NOP14: variants seen among roughly 807,000 people sequenced by gnomAD.
NOP14 encodes the protein nucleolar protein 14.
NOP14 carries 57 observed loss-of-function variants against 101.6 expected under a neutral mutation model. The observed-to-expected ratio is 0.56, with a 90% CI of 0.45 to 0.70. The LOEUF is 0.70. Among genes scored for constraint, NOP14 ranks in the 30% least tolerant of loss-of-function variants. The pLI, the probability that NOP14 is intolerant of heterozygous loss-of-function variation, is 0.00. For missense variants in NOP14, 1,134 were observed against 1,075.5 expected (o/e 1.05, Z -0.76); for synonymous variants, 428 against 424.0 (o/e 1.01, Z -0.12).
chr4:2,952,770 C>G (rs546592679), intron 5 of NOP14, among the ~76,000 whole-genome samples: 3 of 152,294 alleles, frequency 2.0e-5, no homozygotes, highest in Admixed American at 2.0e-4. Context: ...TGGTGAAACC[C>G]TGTCTTTACT....
rs567796932 is a variant in NOP14 at position 2,949,813 on chromosome 4, C to G, written c.1282+121G>C. The G allele has an allele frequency of 2.6e-6, 3 of 1,158,540 alleles. No individual in the cohort carries two copies. In the South Asian group the frequency reaches 4.1e-5, roughly 16 times the overall value. 71.8% of individuals were successfully genotyped at this position (1,158,540 alleles called of 1,614,324 possible). A position where few individuals can be genotyped will look rare whatever the true frequency, so the allele number is the denominator to read the frequency against. On this transcript the variant is annotated intron_variant, in intron 8 of 17. Transcript: ENST00000416614. Reference sequence around the variant, plus strand: ...ACACAGGGGTGTGTCCAGGCACTCCCAAGGGCATCCTTGGTCCCCATTCCA... The same window carrying G: ...ACACAGGGGTGTGTCCAGGCACTCCGAAGGGCATCCTTGGTCCCCATTCCA...
rs1451456948 is a variant in NOP14, at chr4:2,960,727, CATTAATATTAATAT to C, written c.195+2384_195+2397del. Among the ~76,000 whole-genome samples the C allele has an allele frequency of 4.8e-3, 383 of 80,200 alleles. 23 individuals are homozygous for C. Among genetic ancestry groups the C allele is most frequent in the Non-Finnish European group, 8.7e-3 (311 of 35,722 alleles). 52.6% of individuals were successfully genotyped at this position (80,200 alleles called of 152,430 possible). A position where few individuals can be genotyped will look rare whatever the true frequency, so the allele number is the denominator to read the frequency against. On this transcript the variant is annotated intron_variant, in intron 1 of 17. Coordinates refer to ENST00000416614, the MANE Select transcript of NOP14 (RefSeq NM_001291978.2). ...TATTAATATATTAATATTATAATCACATTAATATTAATATATTAATATTATAATCACATTAATAT... is the reference window on the plus strand; with the variant it reads ...TATTAATATATTAATATTATAATCACATTAATATTATAATCACATTAATAT...
In NOP14 at chr4:2,938,913, C is replaced by T. The variant is rs147582267; in HGVS notation, c.2492G>A (p.Arg831Gln). The T allele has an allele frequency of 5.2e-5, 84 of 1,613,974 alleles. No individual in the cohort carries two copies. The highest frequency in any genetic ancestry group is 5.3e-5 in the African/African-American group (4 of 74,926). The change falls in exon 18 of 18, where the codon CGG becomes CAG. Residue 831 changes from arginine to glutamine, a missense_variant. Coordinates refer to ENST00000416614, the MANE Select transcript of NOP14 (RefSeq NM_001291978.2). The part of the protein sequence containing the change: ...EIMERDAERK[R>Q]KVKQLFNSLA... Reference sequence around the variant, plus strand: ...GCTGTTAAAAAGCTGCTTTACTTTCCGCTTTCTTTCCGCATCCCTAAAAGA... The same window carrying T: ...GCTGTTAAAAAGCTGCTTTACTTTCTGCTTTCTTTCCGCATCCCTAAAAGA...
In NOP14 at chr4:2,938,515, A is replaced by AAT; in HGVS notation, c.*315_*316insAT. Reference sequence around the variant, plus strand: ...GCAAAACTCCGTCTCAAAAAAAAAAATTTTTTTTTAAGCGACACAGTCTTG... The same window carrying AAT: ...GCAAAACTCCGTCTCAAAAAAAAAAAATTTTTTTTTTAAGCGACACAGTCTTG... On this transcript the variant is annotated 3_prime_UTR_variant, in exon 18 of 18. Coordinates refer to ENST00000416614, the MANE Select transcript of NOP14 (RefSeq NM_001291978.2). 2.8e-6 allele frequency: 1 copy of AAT among 356,012 alleles called. No individual in the cohort carries two copies. Among genetic ancestry groups the AAT allele is most frequent in the Non-Finnish European group, 5.3e-6 (1 of 188,088 alleles). The allele number at this position is 356,012 out of a possible 1,614,324, so 22.1% of individuals were successfully genotyped here.
At chr4:2,954,649 C>G (rs1225600799) in intron 3 of NOP14, 86 bp from the exon 4 acceptor site, 6 of 1,483,778 alleles carry the variant, frequency 4.0e-6, no homozygotes, top group Non-Finnish European at 5.4e-6. Flanking sequence ...AGTGCTTCCC[C>G]CATAGTGGTC....
intron 12 of NOP14, 35 bp from the exon 13 acceptor site, chr4:2,944,261 G>A (rs780606373): frequency 3.2e-5 from 51 of 1,595,738 alleles, no homozygotes; most frequent in Admixed American, 5.3e-5. Flanking sequence ...ACTGTCCTGG[G>A]ACGATGTCAT....
chr4:2,963,037 A>C (rs1716227368), intron 1 of NOP14, 88 bp downstream of exon 1: 7 of 1,341,580 alleles, frequency 5.2e-6, no homozygotes, highest in East Asian at 2.7e-5. Context: ...TCAACGAGGA[A>C]ACCGACGCAC....
Position 2,941,834 on chromosome 4 carries a change from C to A in NOP14, c.2052-105G>T, listed in dbSNP as rs376629429. ...TTCCCCACTTCCACTAGGCTGAAAA[C>A]TCCAGTGTGGCCACCTTGGCCGGCC... On this transcript the variant is annotated intron_variant, in intron 14 of 17. Coordinates refer to ENST00000416614, the MANE Select transcript of NOP14 (RefSeq NM_001291978.2). The A allele has an allele frequency of 7.4e-5, 100 of 1,343,028 alleles. 2 individuals carry two copies. The African/African-American group carries it at 1.2e-3, about 16-fold the overall frequency. 83.2% of individuals were successfully genotyped at this position (1,343,028 alleles called of 1,614,324 possible). A position where few individuals can be genotyped will look rare whatever the true frequency, so the allele number is the denominator to read the frequency against.
intron 5 of NOP14, 95 bp downstream of exon 5, chr4:2,953,415 AG>A (rs1715153133): frequency 7.4e-7 from 1 of 1,344,262 alleles, no homozygotes; most frequent in Non-Finnish European, 1.0e-6. Context: ...TAAAGGAGAC[AG>A]GTAGAAGAGC....
intron 2 of NOP14, 51 bp from the exon 3 acceptor site, chr4:2,956,862 CAA>C (rs200756250): frequency 3.6e-4 from 397 of 1,117,930 alleles, no homozygotes; most frequent in Middle Eastern, 7.2e-4. Context: ...CATTTCACAG[CAA>C]AAAAAAAAAG....
chr4:2,955,534 G>A (rs904500539), intron 3 of NOP14, among the ~76,000 whole-genome samples: 3 of 113,406 alleles, frequency 2.6e-5, no homozygotes, highest in Non-Finnish European at 3.7e-5. Context: ...TCACCTGCAC[G>A]CCACGGCGCC....
chr4:2,939,085 G>C, intron 17 of NOP14, 103 bp downstream of exon 17: 1 of 1,556,586 alleles, frequency 6.4e-7, no homozygotes, highest in Non-Finnish European at 8.8e-7. Flanking sequence ...CCCAGCCAGA[G>C]CCAAGGCTGT....
In NOP14 at chr4:2,947,564, A is replaced by T. The variant is rs1714741316; in HGVS notation, c.1461T>A (p.Asp487Glu). 1.2e-6 allele frequency: 2 copies of T among 1,614,072 alleles called. No individual in the cohort carries two copies. Among genetic ancestry groups the T allele is most frequent in the Non-Finnish European group, 1.7e-6 (2 of 1,180,014 alleles). The change falls in exon 10 of 18, where the codon GAT becomes GAA. Residue 487 changes from aspartate (D) to glutamate (E), a missense_variant. By Grantham distance (45) the Asp-to-Glu change is conservative. Coordinates refer to ENST00000416614, the MANE Select transcript of NOP14 (RefSeq NM_001291978.2). ...LLEYVGDLAT[D>E]DPPDLTVIDK... ...CAATGACTGTGAGGTCTGGTGGGTC[A>T]TCTGTAGCCAAATCGCCAACGTATT... is the stretch of plus-strand genomic sequence containing the variant.
chr4:2,946,467 T>C lies in NOP14; in HGVS notation c.1580A>G (p.Glu527Gly). Residue 527 changes from glutamate (E) to glycine (G), a missense_variant, in exon 11 of 18, where the codon GAG (glutamate) becomes GGG (glycine). Transcript: ENST00000416614. ...IKFVLRDAMH[E>G]MEEMIETKGR... ...TTTGGTCTCAATCATTTCTTCCATC[T>C]CATGCATCGCATCTCGGAGAACAAA... 2 of 1,614,254 alleles carry C rather than the reference T, an allele frequency of 1.2e-6. No individual in the cohort carries two copies. Among genetic ancestry groups the C allele is most frequent in the Non-Finnish European group, 1.7e-6 (2 of 1,180,030 alleles).
At position 2,941,176 on chromosome 4, in the gene NOP14, A is replaced by G. The variant is rs115661966; in HGVS notation, c.2199+406T>C. On this transcript the variant is annotated intron_variant, in intron 15 of 17. Transcript: ENST00000416614. ...CCATCAAAGACTTGTTCTTGGGTCC[A>G]GCTGAGACTGTCCCTTGGGGCTTCC... 1,389 of 183,692 alleles carry G rather than the reference A, an allele frequency of 7.6e-3. 25 individuals carry two copies. The highest frequency in any genetic ancestry group is 0.03 in the African/African-American group (1,282 of 42,104). The allele number at this position is 183,692 out of a possible 1,614,324, so 11.4% of individuals were successfully genotyped here.
Position 2,954,534 on chromosome 4 carries a change from CT to C in NOP14, c.501del (p.Gly168AlafsTer25). On this transcript the variant is annotated frameshift_variant, in exon 4 of 18. Transcript: ENST00000416614. LOFTEE classifies it high-confidence loss of function. ...SAELTAAHFG[G>X]GGGLLHKKTQ... ...GTCTTCTTGTGAAGGAGCCCACCGC[CT>C]CCTCCAAAGTGGGCAGCAGTCAGCT... 6.2e-7 allele frequency: 1 copy of C among 1,614,174 alleles called. No individual in the cohort carries two copies. Among genetic ancestry groups the C allele is most frequent in the African/African-American group, 1.3e-5 (1 of 75,048 alleles).
chr4:2,941,872 A>G (rs531224386), intron 14 of NOP14, 143 bp from the exon 15 acceptor site: 625 of 967,296 alleles, frequency 6.5e-4, no homozygotes, highest in Non-Finnish European at 8.3e-4. Context: ...GGTTGGGCCC[A>G]TGCAACCACG....
At chr4:2,958,686 G>T (rs1210821904) in intron 1 of NOP14, among the ~76,000 whole-genome samples, 3 of 152,212 alleles carry the variant, frequency 2.0e-5, no homozygotes, top group Admixed American at 6.5e-5. Context: ...AATTTGTGAA[G>T]TCACTTTGAA....
intron 8 of NOP14, 108 bp downstream of exon 8, chr4:2,949,826 G>C (rs1278742028): frequency 7.0e-6 from 9 of 1,283,122 alleles, no homozygotes; most frequent in South Asian, 1.3e-5. Flanking sequence ...GGGCATCCTT[G>C]GTCCCCATTC....
Sources: allele counts gnomAD v4.1 joint callset (sites outside exome capture counted in the v4.1 genomes callset), GRCh38; gene constraint gnomAD v4.1.1; transcripts MANE v1.5; gene names NCBI Gene and HGNC (gene_info 2026-07-23, HGNC 2026-07-21).